Variants in C10orf67 observed in about 807,000 individuals in gnomAD.
The protein encoded by C10orf67 is chromosome 10 open reading frame 67.
A neutral mutation model predicts 35.6 loss-of-function variants in C10orf67; 60 were observed. The observed-to-expected ratio is 1.68, with a 90% CI of 1.37 to 2.09. C10orf67 has a LOEUF of 2.09. Among genes scored for constraint, C10orf67 ranks in the 30% most tolerant of loss-of-function variants. The probability of loss-of-function intolerance (pLI) is 0.00; values close to 1 mark genes in which losing one functional copy is unlikely to be tolerated. For synonymous variants in C10orf67, 167 were observed against 115.8 expected (o/e 1.44, Z -2.84); for missense variants, 474 against 330.2 (o/e 1.44, Z -3.38).
rs554293904 is a variant in C10orf67 at position 23,204,145 on chromosome 10, C to T, written c.*28G>A. ...GGCGAGGCCACTCTTTCTGAGGCCC[C>T]GTCTGCGCAGCCCAGGCTTCTGCTG... On this transcript the variant is annotated 3_prime_UTR_variant, in exon 16 of 16. Coordinates refer to ENST00000636213, the MANE Select transcript of C10orf67 (RefSeq NM_001371909.1). 35 of 498,602 alleles carry T rather than the reference C, an allele frequency of 7.0e-5. No homozygotes were observed. In the East Asian group the frequency reaches 1.2e-3, roughly 17 times the overall value. 30.9% of individuals were successfully genotyped at this position (498,602 alleles called of 1,614,324 possible).
intron 7 of C10orf67, among the ~76,000 whole-genome samples, chr10:23,285,024 A>T (rs991624150): frequency 3.3e-5 from 5 of 152,210 alleles, no homozygotes; most frequent in Non-Finnish European, 7.3e-5. Flanking sequence ...TTAGTGCAGG[A>T]TATTGGAAAA....
intron 4 of C10orf67, among the ~76,000 whole-genome samples, chr10:23,319,831 G>A (rs1017918874): frequency 6.6e-6 from 1 of 152,152 alleles, no homozygotes; most frequent in African/African-American, 2.4e-5. Context: ...CTATGTCTGT[G>A]CTATAGCTGA....
rs901028092 is a variant in C10orf67 at position 23,289,941 on chromosome 10, T to C, written c.868A>G (p.Met290Val). 2.8e-6 allele frequency: 2 copies of C among 717,236 alleles called. No individual in the cohort carries two copies. The highest frequency in any genetic ancestry group is 5.2e-6 in the Non-Finnish European group (2 of 384,972). The allele number at this position is 717,236 out of a possible 1,614,324, so 44.4% of individuals were successfully genotyped here. Residue 290 changes from methionine (M) to valine (V), a missense_variant, in exon 7 of 16, where the codon ATG becomes GTG. Transcript: ENST00000636213. Reference protein sequence around the residue: ...NSGLEDELISMKEMAEKDHKT... With the variant: ...NSGLEDELISVKEMAEKDHKT... ...TGATCCTTTTCTGCCATCTCTTTCATACTTATAAGTTCATCTTCTGTAAAC... is the reference window on the plus strand; with the variant it reads ...TGATCCTTTTCTGCCATCTCTTTCACACTTATAAGTTCATCTTCTGTAAAC...
At chr10:23,342,583 C>G (rs1845943519) in intron 1 of C10orf67, among the ~76,000 whole-genome samples, 1 of 152,088 alleles carries the variant, frequency 6.6e-6, no homozygotes, top group Non-Finnish European at 1.5e-5. Flanking sequence ...TTTTTGGGAG[C>G]TACCCCACCA....
At chr10:23,309,753 T>G (rs531261771) in intron 4 of C10orf67, among the ~76,000 whole-genome samples, 25 of 152,314 alleles carry the variant, frequency 1.6e-4, no homozygotes, top group South Asian at 8.3e-4. Context: ...CCAGCCTGCC[T>G]TCTGGATGGG....
intron 10 of C10orf67, among the ~76,000 whole-genome samples, chr10:23,265,115 C>T (rs1842852774): frequency 6.6e-6 from 1 of 152,244 alleles, no homozygotes; most frequent in Non-Finnish European, 1.5e-5. Context: ...GTTGTCTACA[C>T]TTCCTAGCTC....
intron 5 of C10orf67, among the ~76,000 whole-genome samples, chr10:23,291,922 G>A (rs542525321): frequency 6.6e-6 from 1 of 152,188 alleles, no homozygotes; most frequent in South Asian, 2.1e-4. Context: ...TTGTCACACG[G>A]GGTCTGTGCA....
chr10:23,251,641 T>C (rs982709028), intron 10 of C10orf67, among the ~76,000 whole-genome samples: 1 of 152,182 alleles, frequency 6.6e-6, no homozygotes, highest in East Asian at 1.9e-4. Flanking sequence ...ATTCTCAGTG[T>C]AGCTTCCAGA....
intron 5 of C10orf67, among the ~76,000 whole-genome samples, chr10:23,292,524 A>G (rs1843752471): frequency 6.6e-6 from 1 of 152,190 alleles, no homozygotes; most frequent in African/African-American, 2.4e-5. Flanking sequence ...ATCTTCCCTC[A>G]AAAACAAAAT....
chr10:23,315,259 G>A (rs1220279629), intron 4 of C10orf67, among the ~76,000 whole-genome samples: 2 of 152,080 alleles, frequency 1.3e-5, no homozygotes, highest in African/African-American at 4.8e-5. Flanking sequence ...TGATGAATAC[G>A]AAGAATTTAA....
intron 10 of C10orf67, among the ~76,000 whole-genome samples, chr10:23,252,093 C>T (rs1213676729): frequency 6.6e-6 from 1 of 152,100 alleles, no homozygotes. Context: ...TCAAAAAAAT[C>T]CTATTAGAAA....
chr10:23,265,650 T>G (rs1842867781), intron 10 of C10orf67, among the ~76,000 whole-genome samples: 1 of 152,218 alleles, frequency 6.6e-6, no homozygotes, highest in African/African-American at 2.4e-5. Context: ...TGGGAGGTAT[T>G]GTATAATGTA....
intron 12 of C10orf67, among the ~76,000 whole-genome samples, chr10:23,247,482 A>G (rs918480131): frequency 1.3e-5 from 2 of 152,192 alleles, no homozygotes; most frequent in African/African-American, 4.8e-5. Context: ...AGGCTATGCC[A>G]TCTAGGTTTG....
intron 1 of C10orf67, among the ~76,000 whole-genome samples, chr10:23,338,529 C>G (rs753778657): frequency 6.6e-6 from 1 of 152,162 alleles, no homozygotes; most frequent in Non-Finnish European, 1.5e-5. Flanking sequence ...CCAGAACCAC[C>G]GAGCATGAAC....
intron 2 of C10orf67, among the ~76,000 whole-genome samples, chr10:23,327,832 A>G (rs1262927697): frequency 2.8e-5 from 4 of 141,482 alleles, no homozygotes; most frequent in African/African-American, 7.6e-5. Flanking sequence ...CTCGGGGGAG[A>G]AAAAAAAAAA....
At chr10:23,323,803 T>G (rs956439544) in intron 2 of C10orf67, among the ~76,000 whole-genome samples, 2 of 145,298 alleles carry the variant, frequency 1.4e-5, no homozygotes, top group African/African-American at 5.1e-5. Context: ...TCCCAGCCAC[T>G]TGGGAGCTTG....
At chr10:23,253,991 C>T (rs116948901) in intron 10 of C10orf67, among the ~76,000 whole-genome samples, 1 of 152,312 alleles carries the variant, frequency 6.6e-6, no homozygotes, top group Non-Finnish European at 1.5e-5. Flanking sequence ...ATTAAACTGT[C>T]ATTTTGTTTT....
intron 15 of C10orf67, among the ~76,000 whole-genome samples, chr10:23,215,484 G>A (rs1841407492): frequency 6.6e-6 from 1 of 151,942 alleles, no homozygotes; most frequent in Non-Finnish European, 1.5e-5. Flanking sequence ...AGTAGAGATA[G>A]GGTTTCACCA....
rs371362512 is a variant in C10orf67, at chr10:23,239,485, G to C, written c.1434+244C>G. On this transcript the variant is annotated intron_variant, in intron 13 of 15. Transcript: ENST00000636213. ...GCCCGCTCCTCTGAAATTTATACTT[G>C]CCCCATTGTAGCTCAACCATATTGC... Among the ~76,000 whole-genome samples the C allele has an allele frequency of 1.8e-4, 28 of 152,234 alleles. No homozygotes were observed. The South Asian group carries it at 4.4e-3, about 24-fold the overall frequency.
Sources: gnomAD v4.1 joint callset for allele counts (sites outside exome capture counted in the v4.1 genomes callset) on GRCh38, gnomAD v4.1.1 for gene constraint, MANE v1.5 for transcripts, NCBI Gene and HGNC (gene_info 2026-07-23, HGNC 2026-07-21) for gene names.